Variants in CMTM4 observed in about 807,000 individuals in gnomAD.
CMTM4 encodes CKLF like MARVEL transmembrane domain containing 4, also known as CKLF-like MARVEL transmembrane domain-containing protein 4.
CMTM4 carries 8 observed loss-of-function variants against 19.0 expected under a neutral mutation model. The observed-to-expected ratio is 0.42, with a 90% CI of 0.25 to 0.76. The LOEUF (loss-of-function observed/expected upper bound fraction) is 0.76, where lower values mean the gene tolerates loss of function less well. Ranked by LOEUF, CMTM4 falls within the 30% of genes least tolerant of loss-of-function variation. The pLI is 0.27. For missense variants in CMTM4, 228 were observed against 290.2 expected, an observed-to-expected ratio of 0.79 and a Z score of 1.56; for synonymous variants, 106 against 121.1, an observed-to-expected ratio of 0.88 and a Z score of 0.82.
chr16:66,683,151 A>ACATG (rs1188282363), intron 1 of CMTM4, among the ~76,000 whole-genome samples: 5 of 131,724 alleles, frequency 3.8e-5, no homozygotes, highest in African/African-American at 1.4e-4. Flanking sequence ...ATATATGTAT[A>ACATG]TATATATACG....
chr16:66,617,347 G>C lies in CMTM4; in HGVS notation c.*4711C>G, dbSNP rs1283739751. 1.2e-6 allele frequency: 2 copies of C among 1,613,338 alleles called. No individual in the cohort carries two copies. Among genetic ancestry groups the C allele is most frequent in the South Asian group, 2.2e-5 (2 of 90,868 alleles). On this transcript the variant is annotated 3_prime_UTR_variant, in exon 4 of 4. Coordinates refer to ENST00000394106, the MANE Select transcript of CMTM4 (RefSeq NM_181521.3). ...TTTTTTCCTTACTGTTACGTTTGTG[G>C]AGTAGGAAAAACTAGAAAGGAAAAA...
chr16:66,610,046 G>A (rs1472403325), downstream of CMTM4: 2 of 1,605,980 alleles, frequency 1.2e-6, no homozygotes, highest in Non-Finnish European at 1.7e-6. The surrounding 1 kb of genome is among the most constrained non-coding windows in gnomAD (Gnocchi z 4.6). Flanking sequence ...TGCAACAGGG[G>A]CCTGCCCTCC....
intron 1 of CMTM4, among the ~76,000 whole-genome samples, chr16:66,651,173 T>G (rs2016303174): frequency 6.6e-6 from 1 of 152,236 alleles, no homozygotes; most frequent in African/African-American, 2.4e-5. Context: ...CCAGCTCCTC[T>G]CTTAGCAACC....
At chr16:66,659,220 C>T (rs1198259116) in intron 1 of CMTM4, among the ~76,000 whole-genome samples, 1 of 151,850 alleles carries the variant, frequency 6.6e-6, no homozygotes, top group East Asian at 1.9e-4. Flanking sequence ...ACTAAAAATA[C>T]AAAAATTAGC....
chr16:66,613,229 C>T (rs2015451071), downstream of CMTM4: 6 of 679,382 alleles, frequency 8.8e-6, no homozygotes, highest in South Asian at 9.4e-5. Flanking sequence ...GCTCGGCACC[C>T]ATAACTAACA....
At chr16:66,651,215 C>A (rs1304913207) in intron 1 of CMTM4, among the ~76,000 whole-genome samples, 1 of 152,048 alleles carries the variant, frequency 6.6e-6, no homozygotes, top group Non-Finnish European at 1.5e-5. Flanking sequence ...CTCCTGGAGC[C>A]GGAACTACAG....
At chr16:66,692,435 G>A (rs1211827848) in intron 1 of CMTM4, among the ~76,000 whole-genome samples, 1 of 152,158 alleles carries the variant, frequency 6.6e-6, no homozygotes, top group Non-Finnish European at 1.5e-5. Context: ...AAACTTTAAT[G>A]TACACGTGGA....
In CMTM4 at chr16:66,696,109, TAGG is replaced by T. The variant is rs1255572716; in HGVS notation, c.186+228_186+230del. On this transcript the variant is annotated intron_variant, in intron 1 of 3. Coordinates refer to ENST00000394106, the MANE Select transcript of CMTM4 (RefSeq NM_181521.3). This position sits in a 1 kb window ranked among gnomAD's most constrained non-coding sequence, Gnocchi z 4.3. ...GTAGGCCCGAAGGCAGGTGCTCAGG[TAGG>T]AGGCGCACACCTGAGGCTGCCGGCC... Among the ~76,000 whole-genome samples, 2 of 151,814 alleles carry T rather than the reference TAGG, an allele frequency of 1.3e-5. No individual in the cohort carries two copies. Among genetic ancestry groups the T allele is most frequent in the Admixed American group, 1.3e-4 (2 of 15,264 alleles).
intron 1 of CMTM4, 31 bp from the exon 2 acceptor site, chr16:66,636,612 G>T (rs1044175706): frequency 1.3e-6 from 2 of 1,553,358 alleles, no homozygotes; most frequent in East Asian, 2.2e-5. Context: ...ATATATGTAC[G>T]TATATGTTTA....
chr16:66,650,384 C>T (rs1348293406), intron 1 of CMTM4, among the ~76,000 whole-genome samples: 1 of 152,164 alleles, frequency 6.6e-6, no homozygotes, highest in Non-Finnish European at 1.5e-5. Flanking sequence ...AACCATCGTT[C>T]GGGTTTATAC....
the CMTM4 span, chr16:66,608,504 A>C: frequency 1.1e-4 from 170 of 1,606,900 alleles, no homozygotes; most frequent in Non-Finnish European, 1.4e-4. This position sits in a 1 kb window ranked among gnomAD's most constrained non-coding sequence, Gnocchi z 5.1. Context: ...TGCCCTGCAC[A>C]AAGTGGCCAG....
downstream of CMTM4, chr16:66,609,956 T>G (rs553240113): frequency 6.2e-7 from 1 of 1,614,080 alleles, no homozygotes; most frequent in Admixed American, 1.7e-5. The surrounding 1 kb of genome is among the most constrained non-coding windows in gnomAD (Gnocchi z 4.4). Flanking sequence ...GCCAAATTCC[T>G]CAAACAAGGG....
At chr16:66,685,615 C>T (rs935353537) in intron 1 of CMTM4, among the ~76,000 whole-genome samples, 9 of 151,974 alleles carry the variant, frequency 5.9e-5, no homozygotes, top group African/African-American at 2.2e-4. Flanking sequence ...TTTGGAGTGC[C>T]ATAACCTGGG....
At chr16:66,659,105 C>T (rs1007205148) in intron 1 of CMTM4, among the ~76,000 whole-genome samples, 9 of 152,182 alleles carry the variant, frequency 5.9e-5, no homozygotes, top group Middle Eastern at 3.4e-3. Flanking sequence ...AGAGGCTGGG[C>T]GTGGTGGCTC....
Position 66,615,607 on chromosome 16 carries a change from G to GGAA in CMTM4, c.*6450_*6451insTTC, listed in dbSNP as rs2015512068. Reference sequence around the variant, plus strand: ...AGTGGAAGATGAGAGCCCCGGAGCTGGCTGAGGTCCCCCAGGAAGCTTCCC... The same window carrying GGAA: ...AGTGGAAGATGAGAGCCCCGGAGCTGGAAGCTGAGGTCCCCCAGGAAGCTTCCC... On this transcript the variant is annotated 3_prime_UTR_variant, in exon 4 of 4. Transcript: ENST00000394106. This position sits in a 1 kb window ranked among gnomAD's most constrained non-coding sequence, Gnocchi z 4.9. 6.6e-6 allele frequency: 1 copy of GGAA among 152,346 alleles called. No homozygotes were observed. Among genetic ancestry groups the GGAA allele is most frequent in the African/African-American group, 2.4e-5 (1 of 41,466 alleles). The allele number at this position is 152,346 out of a possible 1,614,324, so 9.4% of individuals were successfully genotyped here.
intron 1 of CMTM4, among the ~76,000 whole-genome samples, chr16:66,645,808 G>C (rs1465564070): frequency 6.6e-6 from 1 of 151,922 alleles, no homozygotes; most frequent in Non-Finnish European, 1.5e-5. Context: ...GTGAAACCCT[G>C]TCTTTACTAA....
chr16:66,634,752 T>C (rs1021771178), intron 2 of CMTM4, among the ~76,000 whole-genome samples: 1 of 151,782 alleles, frequency 6.6e-6, no homozygotes, highest in Non-Finnish European at 1.5e-5. Context: ...CCTCATTTTA[T>C]ACTTAAAAAA....
chr16:66,611,104 T>C (rs1041575235), downstream of CMTM4: 2 of 386,730 alleles, frequency 5.2e-6, no homozygotes, highest in Non-Finnish European at 4.6e-6. Flanking sequence ...TTTGGAGAGT[T>C]TCACATATGT....
intron 1 of CMTM4, among the ~76,000 whole-genome samples, chr16:66,686,423 C>T (rs545631685): frequency 1.5e-4 from 22 of 151,060 alleles, no homozygotes; most frequent in Admixed American, 4.0e-4. Flanking sequence ...TAGCCAGGCG[C>T]CTGTAATCCC....
Sources: gnomAD v4.1 joint callset for allele counts (sites outside exome capture counted in the v4.1 genomes callset) on GRCh38, gnomAD v4.1.1 for gene constraint, Gnocchi (gnomAD v3.1) non-coding constraint, MANE v1.5 for transcripts, NCBI Gene and HGNC (gene_info 2026-07-23, HGNC 2026-07-21) for gene names.